The following NPAS3 variants were observed in gnomAD, a reference collection of about 807,000 sequenced individuals.
NPAS3 encodes the protein neuronal PAS domain protein 3.
A neutral mutation model predicts 73.1 loss-of-function variants in NPAS3; 14 were observed. The ratio of observed to expected loss-of-function variants is 0.19; its 90% confidence interval spans 0.13 to 0.30. The LOEUF is 0.30. NPAS3 is among the 10% of genes least tolerant of loss of function. NPAS3 has a pLI of 1.00. For missense variants in NPAS3, 1,096 were observed against 1,250.0 expected (o/e 0.88, Z 1.86); for synonymous variants, 620 against 541.5 (o/e 1.14, Z -2.01).
At chr14:33,623,628 C>T (rs1425145452) in intron 5 of NPAS3, among the ~76,000 whole-genome samples, 1 of 152,198 alleles carries the variant, frequency 6.6e-6, no homozygotes. Context: ...CTTTGTTCCA[C>T]TCTCTCCAAG....
chr14:33,602,202 G>A (rs915817350), intron 5 of NPAS3, among the ~76,000 whole-genome samples: 4 of 152,338 alleles, frequency 2.6e-5, no homozygotes, highest in Admixed American at 2.6e-4. Context: ...ACTAATCAGT[G>A]CATGAGTGTG....
At chr14:33,563,734 A>G (rs959959499) in intron 5 of NPAS3, among the ~76,000 whole-genome samples, 2 of 152,144 alleles carry the variant, frequency 1.3e-5, no homozygotes, top group Admixed American at 6.5e-5. Context: ...GCTTGCATAG[A>G]GACTGAATAA....
chr14:33,105,857 G>A (rs1398463574), intron 2 of NPAS3, among the ~76,000 whole-genome samples: 1 of 152,140 alleles, frequency 6.6e-6, no homozygotes, highest in Non-Finnish European at 1.5e-5. Flanking sequence ...GGTTGACATG[G>A]CTGATGTCTT....
At chr14:33,686,768 G>A (rs1010871209) in intron 6 of NPAS3, among the ~76,000 whole-genome samples, 2 of 152,018 alleles carry the variant, frequency 1.3e-5, no homozygotes, top group African/African-American at 4.8e-5. Context: ...CCTCTAAATA[G>A]CCCATCTAAA....
chr14:33,721,797 C>T (rs146403515), intron 6 of NPAS3, among the ~76,000 whole-genome samples: 2 of 152,262 alleles, frequency 1.3e-5, no homozygotes, highest in African/African-American at 2.4e-5. Flanking sequence ...TGAACCTTTA[C>T]GTCATTTCCA....
intron 5 of NPAS3, among the ~76,000 whole-genome samples, chr14:33,580,897 AC>A (rs563674995): frequency 1.3e-3 from 190 of 151,490 alleles, no homozygotes; most frequent in African/African-American, 4.4e-3. Context: ...CTCTACCCCC[AC>A]CAGCCCCGCC....
intron 1 of NPAS3, among the ~76,000 whole-genome samples, chr14:32,959,896 CT>C (rs1243538915): frequency 5.3e-5 from 8 of 151,900 alleles, no homozygotes. Flanking sequence ...AGTCAGGTAG[CT>C]TATGTCAACT....
intron 9 of NPAS3, among the ~76,000 whole-genome samples, chr14:33,784,836 C>T (rs1327911712): frequency 2.7e-5 from 4 of 146,356 alleles, no homozygotes; most frequent in South Asian, 2.2e-4. Context: ...CCACAACCTC[C>T]GCCTCCCGAG....
chr14:33,754,509 A>C (rs1049505312), intron 7 of NPAS3, among the ~76,000 whole-genome samples: 1 of 152,144 alleles, frequency 6.6e-6, no homozygotes. Context: ...TCAGCCTCAG[A>C]GTGCTGGCTC....
rs1364528886 is a variant in NPAS3, at chr14:33,078,758, T to A, written c.140+22764T>A. 7.2e-5 allele frequency among the ~76,000 whole-genome samples: 11 copies of A among 152,316 alleles called. No homozygotes were observed. In the South Asian group the frequency reaches 2.3e-3, roughly 32 times the overall value. On this transcript the variant is annotated intron_variant, in intron 2 of 11. Transcript: ENST00000356141. ...TTCTTGGAGAGCAAACTATTCTCAG[T>A]ATTGCTTCCTTCCTGGCAGAATTCA...
At position 33,282,319 on chromosome 14, in the gene NPAS3, C is replaced by A. The variant is rs1215545762; in HGVS notation, c.385+66893C>A. Among the ~76,000 whole-genome samples, 3 of 152,128 alleles carry A rather than the reference C, an allele frequency of 2.0e-5. No homozygotes were observed. In the East Asian group the frequency reaches 5.8e-4, roughly 29 times the overall value. On this transcript the variant is annotated intron_variant, in intron 3 of 11. Transcript: ENST00000356141. ...AACTGTCTTTTAGCTGAAATGCTTGCAAAGCGTCCAGTTCTGTGCCTGGCA... is the reference window on the plus strand; with the variant it reads ...AACTGTCTTTTAGCTGAAATGCTTGAAAAGCGTCCAGTTCTGTGCCTGGCA...
At chr14:33,433,408 A>T (rs2048858963) in intron 4 of NPAS3, among the ~76,000 whole-genome samples, 1 of 152,200 alleles carries the variant, frequency 6.6e-6, no homozygotes, top group African/African-American at 2.4e-5. Context: ...GACTGAGTCC[A>T]AATCCTGCCT....
chr14:33,119,663 C>A (rs1018119330), intron 2 of NPAS3, among the ~76,000 whole-genome samples: 1 of 152,004 alleles, frequency 6.6e-6, no homozygotes, highest in African/African-American at 2.4e-5. Context: ...CACCGTGCAC[C>A]AGGAAAATGA....
At chr14:33,681,184 A>AAAAATTTATC (rs2059927372) in intron 6 of NPAS3, 1 of 152,332 alleles carries the variant, frequency 6.6e-6, no homozygotes, top group Non-Finnish European at 1.5e-5. Context: ...TAAAGAACGT[A>AAAAATTTATC]AAAATTTATC....
At chr14:33,213,128 TC>T (rs1362338680) in intron 2 of NPAS3, among the ~76,000 whole-genome samples, 2 of 152,164 alleles carry the variant, frequency 1.3e-5, no homozygotes, top group Non-Finnish European at 2.9e-5. Flanking sequence ...CTTCAGTTCC[TC>T]CCAGTCCCCA....
At position 33,587,866 on chromosome 14, in the gene NPAS3, C is replaced by T. The variant is rs151113705; in HGVS notation, c.558+27656C>T. Among the ~76,000 whole-genome samples, 195 of 152,294 alleles carry T rather than the reference C, an allele frequency of 1.3e-3. 2 individuals carry two copies. Among genetic ancestry groups the T allele is most frequent in the African/African-American group, 4.0e-3 (167 of 41,566 alleles). The stretch of plus-strand genomic sequence containing the variant: ...TCAACAGCTATGTCTGCACCAGTTA[C>T]GTTAAGGAGCACTACAGAACCTCAA... On this transcript the variant is annotated intron_variant, in intron 5 of 11. Transcript: ENST00000356141.
At chr14:33,620,843 A>T (rs1443429809) in intron 5 of NPAS3, among the ~76,000 whole-genome samples, 4 of 152,166 alleles carry the variant, frequency 2.6e-5, no homozygotes, top group Non-Finnish European at 5.9e-5. Flanking sequence ...CAAATATCTA[A>T]CAAAGGATGG....
Position 33,775,100 on chromosome 14 carries a change from C to G in NPAS3, c.1046+570C>G, listed in dbSNP as rs547044386. 1.2e-4 allele frequency among the ~76,000 whole-genome samples: 18 copies of G among 152,236 alleles called. No individual in the cohort carries two copies. The South Asian group carries it at 3.7e-3, about 32-fold the overall frequency. The stretch of plus-strand genomic sequence containing the variant: ...TTGGCAGTTCTTCCTCAAGACTAAG[C>G]TTTTATAAAAGGACTTTTTAGCCTC... On this transcript the variant is annotated intron_variant, in intron 8 of 11. Transcript: ENST00000356141.
At chr14:33,622,494 TCATGAGAAAA>T (rs1405716597) in intron 5 of NPAS3, among the ~76,000 whole-genome samples, 1 of 152,156 alleles carries the variant, frequency 6.6e-6, no homozygotes, top group Non-Finnish European at 1.5e-5. Flanking sequence ...GATGTTTCCC[TCATGAGAAAA>T]TTAAAAAGAA....
Sources: gnomAD v4.1 joint callset for allele counts (sites outside exome capture counted in the v4.1 genomes callset) on GRCh38, gnomAD v4.1.1 for gene constraint, MANE v1.5 for transcripts, NCBI Gene and HGNC (gene_info 2026-07-23, HGNC 2026-07-21) for gene names.